Variants in CBL observed in about 807,000 individuals in gnomAD.
CBL encodes the protein E3 ubiquitin-protein ligase CBL.
A neutral mutation model predicts 96.9 loss-of-function variants in CBL; 45 were observed. That is an observed-to-expected ratio of 0.46 (90% CI 0.37 to 0.60). CBL has a LOEUF of 0.60. Ranked by LOEUF, CBL falls within the 20% of genes least tolerant of loss-of-function variation. The pLI is 0.00. For missense variants in CBL, 1,024 were observed against 1,143.5 expected, an observed-to-expected ratio of 0.90 and a Z score of 1.51; for synonymous variants, 420 against 426.8, an observed-to-expected ratio of 0.98 and a Z score of 0.20.
chr11:119,247,665 G>T (rs575203605), intron 2 of CBL, among the ~76,000 whole-genome samples: 1 of 152,228 alleles, frequency 6.6e-6, no homozygotes, highest in East Asian at 1.9e-4. Context: ...ACAAAAATTA[G>T]CTGGGTGTGG....
intron 2 of CBL, among the ~76,000 whole-genome samples, chr11:119,270,042 T>C (rs767587545): frequency 6.6e-6 from 1 of 152,082 alleles, no homozygotes; most frequent in Non-Finnish European, 1.5e-5. Context: ...AAGAATAAAC[T>C]TTTGAATACA....
chr11:119,232,178 A>C (rs1254258937), intron 1 of CBL, among the ~76,000 whole-genome samples: 1 of 152,196 alleles, frequency 6.6e-6, no homozygotes, highest in African/African-American at 2.4e-5. Context: ...TTAGGGATTT[A>C]TGTGGATGTT....
At position 119,287,755 on chromosome 11, in the gene CBL, T is replaced by G. The variant is rs1343698817; in HGVS notation, c.1942-97T>G. On this transcript the variant is annotated intron_variant, in intron 11 of 15. Transcript: ENST00000264033. Reference sequence around the variant, plus strand: ...CCTGGGCATGGCATTGAGAGTTAGGTTTGTATCTGTTATTGTTATTTTGAA... The same window carrying G: ...CCTGGGCATGGCATTGAGAGTTAGGGTTGTATCTGTTATTGTTATTTTGAA... 5 of 820,980 alleles carry G rather than the reference T, an allele frequency of 6.1e-6. No homozygotes were observed. In the African/African-American group the frequency reaches 8.4e-5, roughly 14 times the overall value. 50.9% of individuals were successfully genotyped at this position (820,980 alleles called of 1,614,324 possible).
rs749769411 is a variant in CBL at position 119,285,275 on chromosome 11, G to A, written c.1650G>A (p.Arg550=). 1 of 1,614,044 alleles carries A rather than the reference G, an allele frequency of 6.2e-7. No individual in the cohort carries two copies. Among genetic ancestry groups the A allele is most frequent in the South Asian group, 1.1e-5 (1 of 91,074 alleles). The change falls in exon 11 of 16, where the codon CGG becomes CGA. Residue 550 remains arginine, a synonymous_variant. Coordinates refer to ENST00000264033, the MANE Select transcript of CBL (RefSeq NM_005188.4). ...RDLPPPPPPD[R]PYSVGAESRP... is the part of the protein sequence containing the mutation. ...TTCCACCACCACCGCCTCCAGACCG[G>A]CCATATTCTGTTGGAGCAGAATCCC...
chr11:119,256,328 C>T (rs1263048299), intron 2 of CBL, among the ~76,000 whole-genome samples: 6 of 151,784 alleles, frequency 4.0e-5, no homozygotes, highest in Non-Finnish European at 5.9e-5. Flanking sequence ...TACAGGCATC[C>T]GCCGCTACGC....
intron 9 of CBL, among the ~76,000 whole-genome samples, chr11:119,281,368 G>T (rs980152413): frequency 3.9e-5 from 6 of 152,240 alleles, no homozygotes; most frequent in Middle Eastern, 3.4e-3. Flanking sequence ...CCTCAAACGT[G>T]AATTGACTAG....
At position 119,285,235 on chromosome 11, in the gene CBL, C is replaced by G. The variant is rs760661205; in HGVS notation, c.1610C>G (p.Pro537Arg). 6.2e-7 allele frequency: 1 copy of G among 1,614,154 alleles called. No homozygotes were observed. The highest frequency in any genetic ancestry group is 8.5e-7 in the Non-Finnish European group (1 of 1,180,024). Residue 537 changes from proline (P) to arginine (R), a missense_variant, in exon 11 of 16, where the codon CCC (proline) becomes CGC (arginine). Transcript: ENST00000264033. ...LHKDKPLPVP[P>R]TLRDLPPPPP... The stretch of plus-strand genomic sequence containing the variant: ...AAAGACAAACCATTGCCAGTACCTC[C>G]CACACTTCGAGATCTTCCACCACCA...
At position 119,278,569 on chromosome 11, in the gene CBL, C is replaced by G. The variant is rs148368481; in HGVS notation, c.1287C>G (p.Ile429Met). The G allele has an allele frequency of 6.2e-7, 1 of 1,614,122 alleles. No homozygotes were observed. The highest frequency in any genetic ancestry group is 8.5e-7 in the Non-Finnish European group (1 of 1,180,012). The stretch of plus-strand genomic sequence containing the variant: ...GTGAAATTAAAGGTACTGAACCCAT[C>G]GTGGTAGATCCGTTTGATCCTAGAG... ...CRCEIKGTEP[I>M]VVDPFDPRGS... Residue 429 changes from isoleucine to methionine, a missense_variant, in exon 9 of 16, where the codon ATC (isoleucine) becomes ATG (methionine). By Grantham distance (10) the Ile-to-Met change is conservative. This residue lies in a region of CBL where 695 missense variants were observed against 661.6 expected (regional missense o/e 1.05). Coordinates refer to ENST00000264033, the MANE Select transcript of CBL (RefSeq NM_005188.4).
intron 12 of CBL, among the ~76,000 whole-genome samples, chr11:119,295,337 G>T (rs7105971): frequency 6.6e-6 from 1 of 151,960 alleles, no homozygotes; most frequent in East Asian, 1.9e-4. Context: ...CAACAGAAAC[G>T]TATCAATTCC....
In CBL at chr11:119,275,865, AAAAG is replaced by A. The variant is rs565670166; in HGVS notation, c.870-119_870-116del. 479 of 969,322 alleles carry A rather than the reference AAAAG, an allele frequency of 4.9e-4. 6 individuals carry two copies. The highest frequency in any genetic ancestry group is 4.0e-3 in the South Asian group (304 of 75,150). 60.0% of individuals were successfully genotyped at this position (969,322 alleles called of 1,614,324 possible). On this transcript the variant is annotated intron_variant, in intron 5 of 15. Transcript: ENST00000264033. ...TGACAGAGCCAGACTCCATCTTAAA[AAAAG>A]AAAGAAAGAAAGGAAGAAAGTTATT...
intron 2 of CBL, among the ~76,000 whole-genome samples, chr11:119,250,068 T>C (rs546302838): frequency 6.6e-6 from 1 of 152,338 alleles, no homozygotes; most frequent in South Asian, 2.1e-4. Context: ...TGGGCAATTT[T>C]TGAGTGGATG....
chr11:119,251,437 T>C (rs966141839), intron 2 of CBL, among the ~76,000 whole-genome samples: 3 of 152,264 alleles, frequency 2.0e-5, no homozygotes, highest in African/African-American at 7.2e-5. Flanking sequence ...AGTTCTGTTT[T>C]GTTTGAATGT....
intron 13 of CBL, 116 bp downstream of exon 13, chr11:119,297,150 G>T: frequency 1.3e-6 from 1 of 784,792 alleles, no homozygotes. Flanking sequence ...AAAGCAGAAA[G>T]ATAAAGATAA....
intron 2 of CBL, among the ~76,000 whole-genome samples, chr11:119,234,153 T>C (rs1399769019): frequency 6.6e-6 from 1 of 152,144 alleles, no homozygotes; most frequent in Non-Finnish European, 1.5e-5. Context: ...ATTACAAGCA[T>C]GCACCGCTGT....
chr11:119,207,011 G>A (rs1949275260), intron 1 of CBL, among the ~76,000 whole-genome samples: 1 of 152,068 alleles, frequency 6.6e-6, no homozygotes, highest in African/African-American at 2.4e-5. Flanking sequence ...GGGTGAGGAA[G>A]AGTGATGTAC....
chr11:119,259,039 C>T (rs557845902), intron 2 of CBL, among the ~76,000 whole-genome samples: 1 of 152,202 alleles, frequency 6.6e-6, no homozygotes, highest in East Asian at 1.9e-4. Flanking sequence ...TGTTTTCTTT[C>T]AGCTATTGTA....
chr11:119,294,144 A>G (rs945650813), intron 12 of CBL, among the ~76,000 whole-genome samples: 3 of 152,212 alleles, frequency 2.0e-5, no homozygotes, highest in Non-Finnish European at 4.4e-5. Context: ...TAAAATTTTT[A>G]AAAGTTAGGC....
At chr11:119,241,692 T>G (rs1428890938) in intron 2 of CBL, among the ~76,000 whole-genome samples, 1 of 152,190 alleles carries the variant, frequency 6.6e-6, no homozygotes, top group African/African-American at 2.4e-5. Context: ...GCAGTTTAGA[T>G]CTTTGTGTTC....
At position 119,255,561 on chromosome 11, in the gene CBL, A is replaced by G. The variant is rs150366684; in HGVS notation, c.444-16174A>G. On this transcript the variant is annotated intron_variant, in intron 2 of 15. Coordinates refer to ENST00000264033, the MANE Select transcript of CBL (RefSeq NM_005188.4). ...ATTATATAAAAATACATATTTTACT[A>G]TTTCTCTGGATTCTAGTAATCATTT... Among the ~76,000 whole-genome samples the G allele has an allele frequency of 1.8e-4, 27 of 152,104 alleles. No individual in the cohort carries two copies. In the East Asian group the frequency reaches 5.0e-3, roughly 28 times the overall value.
Sources: allele counts gnomAD v4.1 joint callset (sites outside exome capture counted in the v4.1 genomes callset), GRCh38; gene constraint gnomAD v4.1.1; regional missense constraint gnomAD v4.1.1; transcripts MANE v1.5; gene names NCBI Gene and HGNC (gene_info 2026-07-23, HGNC 2026-07-21).